Variants in IGF1R observed in about 807,000 individuals in gnomAD.
The protein encoded by IGF1R is insulin like growth factor 1 receptor, also known as insulin-like growth factor 1 receptor.
In IGF1R, 44 loss-of-function variants were observed where a neutral mutation model predicts 144.6. The ratio of observed to expected loss-of-function variants is 0.30; its 90% CI spans 0.24 to 0.39. The LOEUF is 0.39. IGF1R is among the 10% of genes least tolerant of loss of function. IGF1R has a pLI of 1.00. For synonymous variants in IGF1R, 795 were observed against 722.8 expected (o/e 1.10, Z -1.60); for missense variants, 1,355 against 1,833.7 (o/e 0.74, Z 4.77).
At chr15:98,775,874 T>G (rs1295063764) in intron 2 of IGF1R, among the ~76,000 whole-genome samples, 1 of 152,238 alleles carries the variant, frequency 6.6e-6, no homozygotes, top group Non-Finnish European at 1.5e-5. Context: ...GGGACCACAC[T>G]TTGAGAACCA....
intron 20 of IGF1R, among the ~76,000 whole-genome samples, chr15:98,955,047 T>A (rs1000304352): frequency 1.3e-5 from 2 of 152,230 alleles, no homozygotes; most frequent in Non-Finnish European, 2.9e-5. Flanking sequence ...TCCACCCTCA[T>A]GAATTTTGTA....
At chr15:98,816,131 C>T (rs560128519) in intron 2 of IGF1R, among the ~76,000 whole-genome samples, 7 of 152,270 alleles carry the variant, frequency 4.6e-5, no homozygotes, top group African/African-American at 1.7e-4. Context: ...CCTCTTCTCT[C>T]GAACCTCAGA....
At chr15:98,731,196 T>C (rs1162691800) in intron 2 of IGF1R, among the ~76,000 whole-genome samples, 2 of 152,212 alleles carry the variant, frequency 1.3e-5, no homozygotes, top group East Asian at 1.9e-4. Flanking sequence ...AAAAGTGATA[T>C]GGCTAACTCT....
At chr15:98,850,166 C>T (rs550272428) in intron 2 of IGF1R, among the ~76,000 whole-genome samples, 47 of 152,344 alleles carry the variant, frequency 3.1e-4, no homozygotes, top group African/African-American at 1.1e-3. Context: ...AGGGTGATAG[C>T]TCCCAAGCTT....
chr15:98,754,188 T>A (rs2055091589), intron 2 of IGF1R, among the ~76,000 whole-genome samples: 1 of 152,110 alleles, frequency 6.6e-6, no homozygotes, highest in South Asian at 2.1e-4. Context: ...TCCCTTTCGT[T>A]TTTCTTTTCT....
intron 18 of IGF1R, 45 bp from the exon 19 acceptor site, chr15:98,942,878 G>T (rs757696812): frequency 2.5e-6 from 4 of 1,613,152 alleles, no homozygotes; most frequent in Non-Finnish European, 3.4e-6. Context: ...GACAGCAGTG[G>T]TGCCTGCTCC....
chr15:98,786,388 T>TA (rs397802067), intron 2 of IGF1R, among the ~76,000 whole-genome samples: 1 of 151,608 alleles, frequency 6.6e-6, no homozygotes, highest in Non-Finnish European at 1.5e-5. Flanking sequence ...TTTTTTTTTT[T>TA]TATTAAACAA....
At chr15:98,888,993 C>T (rs1428169882) in intron 2 of IGF1R, among the ~76,000 whole-genome samples, 1 of 152,196 alleles carries the variant, frequency 6.6e-6, no homozygotes, top group Non-Finnish European at 1.5e-5. Context: ...GGAGGATGGC[C>T]ATGCCCTCTT....
chr15:98,955,999 C>T (rs1196480866), intron 20 of IGF1R, among the ~76,000 whole-genome samples: 1 of 152,252 alleles, frequency 6.6e-6, no homozygotes, highest in African/African-American at 2.4e-5. Flanking sequence ...TGTTGGCGGT[C>T]ACTCCTCAGA....
chr15:98,853,318 T>G (rs1026255341), intron 2 of IGF1R, among the ~76,000 whole-genome samples: 1 of 152,212 alleles, frequency 6.6e-6, no homozygotes, highest in Non-Finnish European at 1.5e-5. Flanking sequence ...GTATTCAGTG[T>G]GATAGGGGCG....
intron 2 of IGF1R, among the ~76,000 whole-genome samples, chr15:98,827,840 C>G (rs1195518280): frequency 6.6e-6 from 1 of 152,150 alleles, no homozygotes; most frequent in Non-Finnish European, 1.5e-5. Flanking sequence ...CTCGGCCTCC[C>G]AAAGTGCTGG....
At chr15:98,915,821 C>G (rs2015219279) in intron 8 of IGF1R, 143 bp from the exon 9 acceptor site, 1 of 795,414 alleles carries the variant, frequency 1.3e-6, no homozygotes, top group Non-Finnish European at 2.2e-6. Flanking sequence ...ATAAGGTTCA[C>G]TTTTCACTTT....
chr15:98,707,704 G>A lies in IGF1R; in HGVS notation c.237G>A (p.Thr79=), dbSNP rs34868731. 1.4e-4 allele frequency: 218 copies of A among 1,614,108 alleles called. 4 individuals are homozygous for A. The South Asian group carries it at 2.1e-3, about 16-fold the overall frequency. ...GCAGCTACCGCTTCCCCAAGCTCACGGTCATTACCGAGTACTTGCTGCTGT... is the reference window on the plus strand; with the variant it reads ...GCAGCTACCGCTTCCCCAAGCTCACAGTCATTACCGAGTACTTGCTGCTGT... ...DYRSYRFPKL[T]VITEYLLLFR... The change falls in exon 2 of 21, where the codon ACG becomes ACA. Residue 79 remains threonine, a synonymous_variant. Transcript: ENST00000650285. This position sits in a 1 kb window ranked among gnomAD's most constrained non-coding sequence, Gnocchi z 6.7.
chr15:98,717,299 C>T (rs748017074), intron 2 of IGF1R, among the ~76,000 whole-genome samples: 10 of 150,946 alleles, frequency 6.6e-5, no homozygotes, highest in Non-Finnish European at 1.3e-4. Context: ...TGTTTCCAAG[C>T]ACATAGGTTT....
At chr15:98,900,488 A>G (rs1317859020) in intron 5 of IGF1R, 1 of 152,256 alleles carries the variant, frequency 6.6e-6, no homozygotes, top group Non-Finnish European at 1.5e-5. Flanking sequence ...CCCCAACTGG[A>G]TAAAGTTACT....
In IGF1R at chr15:98,957,578, C is replaced by T. The variant is rs895060176; in HGVS notation, c.*136C>T. 1.9e-5 allele frequency: 20 copies of T among 1,055,232 alleles called. No homozygotes were observed. The East Asian group carries it at 2.0e-4, about 10-fold the overall frequency. 65.4% of individuals were successfully genotyped at this position (1,055,232 alleles called of 1,614,324 possible). A position where few individuals can be genotyped will look rare whatever the true frequency, so the allele number is the denominator to read the frequency against. On this transcript the variant is annotated 3_prime_UTR_variant, in exon 21 of 21. Coordinates refer to ENST00000650285, the MANE Select transcript of IGF1R (RefSeq NM_000875.5). ...TCTTCAGAACTGCCCTTGCTGCCCG[C>T]GGGAGACAGCTTCTCTGCAGTAAAA... is the stretch of plus-strand genomic sequence containing the variant.
chr15:98,751,926 T>C (rs145558619), intron 2 of IGF1R, among the ~76,000 whole-genome samples: 2 of 152,360 alleles, frequency 1.3e-5, no homozygotes, highest in East Asian at 3.9e-4. Flanking sequence ...GTCAGTCTTC[T>C]GTATAAACAA....
rs2052504963 is a variant in IGF1R at position 98,657,148 on chromosome 15, G to C, written c.94+7473G>C. On this transcript the variant is annotated intron_variant, in intron 1 of 20. Transcript: ENST00000650285. ...AATATGTGCTTGATTACGTAAATGA[G>C]ACATCACCAATTTAAGTCAGCCAAA... 3.9e-5 allele frequency among the ~76,000 whole-genome samples: 6 copies of C among 152,302 alleles called. No homozygotes were observed. The South Asian group carries it at 1.2e-3, about 32-fold the overall frequency.
intron 2 of IGF1R, among the ~76,000 whole-genome samples, chr15:98,742,866 G>A (rs565198238): frequency 5.3e-4 from 80 of 152,096 alleles, no homozygotes; most frequent in African/African-American, 1.7e-3. Context: ...GTGAAACCCC[G>A]TCTCTACTAA....
Sources: gnomAD v4.1 joint callset for allele counts (sites outside exome capture counted in the v4.1 genomes callset) on GRCh38, gnomAD v4.1.1 for gene constraint, Gnocchi (gnomAD v3.1) non-coding constraint, MANE v1.5 for transcripts, NCBI Gene and HGNC (gene_info 2026-07-23, HGNC 2026-07-21) for gene names.